Variants in SPATA13 observed in about 807,000 individuals in gnomAD.
The protein encoded by SPATA13 is spermatogenesis-associated protein 13.
Under a neutral mutation model 104.0 loss-of-function variants are expected in SPATA13, and 50 were observed. The observed-to-expected ratio is 0.48, with a 90% CI of 0.38 to 0.61. SPATA13 has a LOEUF of 0.61. Among genes scored for constraint, SPATA13 ranks in the 20% least tolerant of loss-of-function variants. The pLI is 0.00. For synonymous variants in SPATA13, 606 were observed against 667.5 expected (o/e 0.91, Z 1.42); for missense variants, 1,524 against 1,690.6 (o/e 0.90, Z 1.73).
At chr13:24,173,485 G>A (rs1347702509) in intron 1 of SPATA13, among the ~76,000 whole-genome samples, 2 of 148,582 alleles carry the variant, frequency 1.3e-5, no homozygotes, top group Non-Finnish European at 3.0e-5. Context: ...CCATCCATAC[G>A]CCTTTTATTC....
chr13:24,160,975 G>C (rs1042225285), intron 1 of SPATA13, 43 bp downstream of exon 1: 1 of 973,120 alleles, frequency 1.0e-6, no homozygotes, highest in African/African-American at 1.8e-5. Flanking sequence ...GCGGGCGCGG[G>C]CATGGGCTGT....
At chr13:24,111,249 GA>G (rs969566735) in intron 3 of SPATA13, among the ~76,000 whole-genome samples, 67 of 151,112 alleles carry the variant, frequency 4.4e-4, no homozygotes, top group African/African-American at 1.1e-3. Flanking sequence ...AGAGGCTAGT[GA>G]AAAAAAAATT....
At chr13:24,037,557 A>C (rs866752799) in intron 3 of SPATA13, among the ~76,000 whole-genome samples, 68 of 151,028 alleles carry the variant, frequency 4.5e-4, no homozygotes, top group Middle Eastern at 3.4e-3. Context: ...ACAGGTGTGC[A>C]CACCACCACA....
In SPATA13 at chr13:24,037,758, C is replaced by T. The variant is rs530194285; in HGVS notation, c.-112+20057C>T. On this transcript the variant is annotated intron_variant, in intron 3 of 14. Coordinates refer to the SPATA13 transcript ENST00000424834. ...TCCTACAGCAAGCAGAAAAATTGAT[C>T]GGAGTTTCTTAATCTGGGGTTCGTG... 3.3e-4 allele frequency among the ~76,000 whole-genome samples: 50 copies of T among 151,812 alleles called. 1 individual carries two copies. In the South Asian group the frequency reaches 7.7e-3, roughly 23 times the overall value.
In SPATA13 at chr13:24,189,377, G is replaced by C. The variant is rs559635680; in HGVS notation, c.-112+28445G>C. Among the ~76,000 whole-genome samples, 190 of 150,956 alleles carry C rather than the reference G, an allele frequency of 1.3e-3. 1 individual carries two copies. The highest frequency in any genetic ancestry group is 3.4e-3 in the Middle Eastern group (1 of 292). On this transcript the variant is annotated intron_variant, in intron 1 of 12. Transcript: ENST00000382108. ...TAGTGCCAGCAACTCTGGAGGCTGA[G>C]GCAGGAGAATGGCATGAACCCAGGG...
chr13:24,099,618 C>CG (rs1880192037), intron 3 of SPATA13, among the ~76,000 whole-genome samples: 1 of 152,168 alleles, frequency 6.6e-6, no homozygotes, highest in Admixed American at 6.5e-5. Flanking sequence ...CACAGCCCCC[C>CG]GGGTGGTGTT....
intron 1 of SPATA13, among the ~76,000 whole-genome samples, chr13:24,188,889 T>C (rs1277299115): frequency 6.6e-6 from 1 of 152,136 alleles, no homozygotes; most frequent in Admixed American, 6.6e-5. Flanking sequence ...ATTCTGAAAA[T>C]CCTAGGCCTG....
chr13:24,187,470 A>T (rs2760361), intron 1 of SPATA13, among the ~76,000 whole-genome samples: 144,135 of 152,264 alleles, frequency 0.95, 68,596 homozygotes, highest in Non-Finnish European at 1. Context: ...TATTCTGCCT[A>T]GCTTTATTGC....
chr13:24,003,117 G>C (rs1876057136), intron 2 of SPATA13, among the ~76,000 whole-genome samples: 1 of 152,052 alleles, frequency 6.6e-6, no homozygotes, highest in African/African-American at 2.4e-5. Context: ...CCATCTGTCT[G>C]GTTTTCAATG....
chr13:24,176,540 G>C (rs900941235), intron 1 of SPATA13, among the ~76,000 whole-genome samples: 1 of 151,956 alleles, frequency 6.6e-6, no homozygotes, highest in Non-Finnish European at 1.5e-5. Context: ...CAGCAAACTA[G>C]ATCCTTTGAT....
intron 3 of SPATA13, among the ~76,000 whole-genome samples, chr13:24,144,553 C>T (rs1363232269): frequency 2.6e-5 from 4 of 152,116 alleles, no homozygotes; most frequent in African/African-American, 9.7e-5. Flanking sequence ...AGCACTGGCC[C>T]AGACAAACTT....
intron 4 of SPATA13, chr13:24,271,034 C>G: frequency 2.8e-6 from 2 of 706,838 alleles, no homozygotes; most frequent in South Asian, 1.6e-5. Flanking sequence ...CTCTCTCTCT[C>G]TCTCTCACTC....
chr13:24,085,514 G>A (rs533958783), intron 3 of SPATA13, among the ~76,000 whole-genome samples: 43 of 152,346 alleles, frequency 2.8e-4, no homozygotes, highest in Admixed American at 5.2e-4. Context: ...TGTGGGGACA[G>A]CTGCAGGAAC....
At chr13:24,214,508 C>G (rs1336195763) in intron 1 of SPATA13, among the ~76,000 whole-genome samples, 1 of 152,184 alleles carries the variant, frequency 6.6e-6, no homozygotes, top group Non-Finnish European at 1.5e-5. Flanking sequence ...TTTAGGATCC[C>G]ATGGAGAAAG....
chr13:24,182,523 G>A (rs931118045), intron 1 of SPATA13, among the ~76,000 whole-genome samples: 1 of 151,520 alleles, frequency 6.6e-6, no homozygotes, highest in African/African-American at 2.4e-5. Flanking sequence ...CAGGAAAGAG[G>A]ATGGGCCCTT....
intron 2 of SPATA13, among the ~76,000 whole-genome samples, chr13:24,231,081 C>T (rs1176624243): frequency 6.6e-6 from 1 of 152,194 alleles, no homozygotes; most frequent in Non-Finnish European, 1.5e-5. Flanking sequence ...TTCCCCACGC[C>T]TTTTACCAAT....
chr13:24,173,912 G>T (rs1883105073), intron 1 of SPATA13, among the ~76,000 whole-genome samples: 1 of 152,150 alleles, frequency 6.6e-6, no homozygotes, highest in African/African-American at 2.4e-5. Context: ...GAGTGATACT[G>T]GTTTGTAGTT....
chr13:24,232,021 A>C (rs946786715), intron 2 of SPATA13, among the ~76,000 whole-genome samples: 2 of 152,198 alleles, frequency 1.3e-5, no homozygotes, highest in Non-Finnish European at 2.9e-5. Flanking sequence ...TTATCAGATA[A>C]TATGATTATT....
Position 24,146,207 on chromosome 13 carries a change from G to A in SPATA13, c.-111-76612G>A, listed in dbSNP as rs888147286. Among the ~76,000 whole-genome samples the A allele has an allele frequency of 4.6e-5, 7 of 152,216 alleles. No individual in the cohort carries two copies. In the East Asian group the frequency reaches 9.6e-4, roughly 21 times the overall value. On this transcript the variant is annotated intron_variant, in intron 3 of 14. Transcript: ENST00000424834. ...TCAGTCAACAGACTTTGAGTATCTT[G>A]ATCCCATTGGCAAAGCCAGCCTAAT... is the stretch of plus-strand genomic sequence containing the variant.
Sources: allele counts gnomAD v4.1 joint callset (sites outside exome capture counted in the v4.1 genomes callset), GRCh38; gene constraint gnomAD v4.1.1; transcripts MANE v1.5; gene names NCBI Gene and HGNC (gene_info 2026-07-23, HGNC 2026-07-21).